The following PAK5 variants were observed in gnomAD, a reference collection of about 807,000 sequenced individuals.
PAK5 encodes the protein serine/threonine-protein kinase PAK 5.
PAK5 carries 16 observed loss-of-function variants against 65.9 expected under a neutral mutation model. That is an observed-to-expected ratio of 0.24 (90% CI 0.16 to 0.37). PAK5 has a LOEUF of 0.37. PAK5 is among the 10% of genes least tolerant of loss of function. PAK5 has a pLI of 1.00. For synonymous variants in PAK5, 371 were observed against 354.9 expected (o/e 1.05, Z -0.51); for missense variants, 785 against 903.9 (o/e 0.87, Z 1.69).
chr20:9,572,251 G>A (rs2045802378), intron 4 of PAK5, among the ~76,000 whole-genome samples: 1 of 152,158 alleles, frequency 6.6e-6, no homozygotes, highest in African/African-American at 2.4e-5. Context: ...TCTTCTGTAA[G>A]TTCTTTCAAG....
chr20:9,659,849 T>C (rs1314964055), intron 2 of PAK5, among the ~76,000 whole-genome samples: 4 of 152,206 alleles, frequency 2.6e-5, no homozygotes. Flanking sequence ...TGTTGACATG[T>C]CAGCTTCAAA....
intron 2 of PAK5, among the ~76,000 whole-genome samples, chr20:9,688,305 G>A (rs2047747591): frequency 1.3e-5 from 2 of 151,992 alleles, no homozygotes; most frequent in Admixed American, 6.6e-5. Flanking sequence ...CCCTCTGCCT[G>A]CCTCCCCAAC....
intron 3 of PAK5, among the ~76,000 whole-genome samples, chr20:9,635,439 A>T (rs1160982244): frequency 6.6e-6 from 1 of 152,016 alleles, no homozygotes; most frequent in Non-Finnish European, 1.5e-5. Context: ...TCCAATCTCT[A>T]CTTGTCCATC....
chr20:9,627,879 T>G (rs1182972305), intron 3 of PAK5, among the ~76,000 whole-genome samples: 1 of 152,126 alleles, frequency 6.6e-6, no homozygotes, highest in Non-Finnish European at 1.5e-5. Flanking sequence ...CTCCTGCCTC[T>G]GCCTCCCAAA....
chr20:9,659,106 T>A (rs900743595), intron 2 of PAK5, among the ~76,000 whole-genome samples: 12 of 152,186 alleles, frequency 7.9e-5, no homozygotes, highest in Non-Finnish European at 2.9e-5. Context: ...ATTATCAAAC[T>A]TCTCAGGTGA....
chr20:9,623,535 C>T (rs918049211), intron 3 of PAK5, among the ~76,000 whole-genome samples: 67 of 152,164 alleles, frequency 4.4e-4, no homozygotes, highest in African/African-American at 1.5e-3. Flanking sequence ...AAATGTCAGA[C>T]TGAATAAAGA....
intron 2 of PAK5, among the ~76,000 whole-genome samples, chr20:9,648,550 C>G (rs2047163775): frequency 6.6e-6 from 1 of 151,762 alleles, no homozygotes; most frequent in East Asian, 1.9e-4. Flanking sequence ...TTGCTAAAAT[C>G]CAAGTTCCCA....
intron 1 of PAK5, among the ~76,000 whole-genome samples, chr20:9,732,646 A>AC (rs1473652484): frequency 1.2e-5 from 1 of 81,200 alleles, no homozygotes; most frequent in Non-Finnish European, 2.7e-5. Context: ...ATACCCACAC[A>AC]CTTCCCTTTC....
chr20:9,690,879 G>T (rs1200316103), intron 2 of PAK5, among the ~76,000 whole-genome samples: 1 of 149,508 alleles, frequency 6.7e-6, no homozygotes, highest in Non-Finnish European at 1.5e-5. Context: ...TCAGCCTCCC[G>T]AGTAGCTGGG....
intron 3 of PAK5, among the ~76,000 whole-genome samples, chr20:9,613,435 T>G (rs946550083): frequency 6.6e-6 from 1 of 152,158 alleles, no homozygotes; most frequent in Non-Finnish European, 1.5e-5. Flanking sequence ...GAGCTCAGTG[T>G]GCACAGGTCT....
intron 1 of PAK5, among the ~76,000 whole-genome samples, chr20:9,796,001 A>G (rs1414579514): frequency 6.6e-6 from 1 of 152,114 alleles, no homozygotes; most frequent in Non-Finnish European, 1.5e-5. Flanking sequence ...TAACTTAATC[A>G]TTAAATTGAT....
At chr20:9,823,150 T>C (rs1305077601) in intron 1 of PAK5, among the ~76,000 whole-genome samples, 2 of 152,174 alleles carry the variant, frequency 1.3e-5, no homozygotes, top group Non-Finnish European at 2.9e-5. Context: ...CCTTCTGCCA[T>C]GTGAGGACAC....
chr20:9,732,710 G>T (rs1020575056), intron 1 of PAK5, among the ~76,000 whole-genome samples: 2 of 152,084 alleles, frequency 1.3e-5, no homozygotes, highest in Non-Finnish European at 2.9e-5. Context: ...CTCTAATCTT[G>T]GATTGGTCTG....
intron 1 of PAK5, among the ~76,000 whole-genome samples, chr20:9,803,816 G>A (rs1392156925): frequency 1.3e-5 from 2 of 152,048 alleles, no homozygotes; most frequent in African/African-American, 2.4e-5. Context: ...GTCTTTTTCT[G>A]TAAATCCAGA....
chr20:9,651,044 C>T (rs1457459833), intron 2 of PAK5, among the ~76,000 whole-genome samples: 2 of 152,146 alleles, frequency 1.3e-5, no homozygotes, highest in African/African-American at 4.8e-5. Flanking sequence ...ATCAAACAAT[C>T]TTATTGCCTC....
chr20:9,824,340 A>G (rs2049460031), intron 1 of PAK5, among the ~76,000 whole-genome samples: 7 of 152,204 alleles, frequency 4.6e-5, no homozygotes, highest in African/African-American at 1.7e-4. Flanking sequence ...GATTGTTTAA[A>G]GCCAGGAGTT....
intron 2 of PAK5, among the ~76,000 whole-genome samples, chr20:9,692,186 C>T (rs2047806787): frequency 6.7e-6 from 1 of 148,456 alleles, no homozygotes; most frequent in Admixed American, 6.7e-5. Context: ...AGAAAACAGC[C>T]AGATATCAGG....
chr20:9,562,145 G>A (rs1460061148), intron 6 of PAK5, among the ~76,000 whole-genome samples: 2 of 152,076 alleles, frequency 1.3e-5, no homozygotes, highest in Admixed American at 6.6e-5. Context: ...AATATTTATT[G>A]ACTCTTTCTG....
At chr20:9,645,301 C>A (rs144606971) in intron 2 of PAK5, among the ~76,000 whole-genome samples, 1 of 152,214 alleles carries the variant, frequency 6.6e-6, no homozygotes, top group Non-Finnish European at 1.5e-5. Flanking sequence ...CAGAATACCT[C>A]TAGAAAATAT....
Sources: gnomAD v4.1 joint callset for allele counts (sites outside exome capture counted in the v4.1 genomes callset) on GRCh38, gnomAD v4.1.1 for gene constraint, MANE v1.5 for transcripts, NCBI Gene and HGNC (gene_info 2026-07-23, HGNC 2026-07-21) for gene names.